The following COL4A4 variants were observed in gnomAD, a reference collection of about 807,000 sequenced individuals.
COL4A4 encodes the protein collagen alpha-4(IV) chain.
In COL4A4, 105 loss-of-function variants were observed where a neutral mutation model predicts 192.9. The ratio of observed to expected loss-of-function variants is 0.54; its 90% CI spans 0.46 to 0.64. COL4A4 has a LOEUF of 0.64. COL4A4 is among the 30% of genes least tolerant of loss of function. The pLI is 0.00. For synonymous variants in COL4A4, 762 were observed against 769.9 expected (o/e 0.99, Z 0.17); for missense variants, 1,967 against 2,169.3 (o/e 0.91, Z 1.85).
the COL4A4 span, among the ~76,000 whole-genome samples, chr2:226,972,938 A>C: frequency 1.2e-4 from 18 of 151,772 alleles, 1 homozygote; most frequent in African/African-American, 3.4e-4. Context: ...GCAAAAAAAA[A>C]AAAAAAACAA....
chr2:227,099,524 T>C, intron 18 of COL4A4, 96 bp downstream of exon 18: 1 of 1,103,290 alleles, frequency 9.1e-7, no homozygotes, highest in Non-Finnish European at 1.4e-6. Context: ...CTGCCTAGTG[T>C]GCAAGCTATG....
At chr2:227,138,602 C>A (rs1280332860) in intron 4 of COL4A4, among the ~76,000 whole-genome samples, 2 of 150,536 alleles carry the variant, frequency 1.3e-5, no homozygotes, top group African/African-American at 4.9e-5. Context: ...CACCGCACTC[C>A]AGCCTGGGTG....
intron 33 of COL4A4, 86 bp from the exon 34 acceptor site, chr2:227,050,217 T>A (rs1973784987): frequency 7.6e-7 from 1 of 1,318,650 alleles, no homozygotes; most frequent in African/African-American, 1.4e-5. Flanking sequence ...TAATTTTCTG[T>A]AACTAATTTG....
At chr2:227,057,766 G>A (rs1975837263) in intron 28 of COL4A4, among the ~76,000 whole-genome samples, 166 bp from the exon 29 acceptor site, 1 of 152,246 alleles carries the variant, frequency 6.6e-6, no homozygotes, top group Admixed American at 6.5e-5. Context: ...GATGTAATGA[G>A]TTCCTTATGA....
intron 4 of COL4A4, among the ~76,000 whole-genome samples, chr2:227,127,638 T>A (rs2062168476): frequency 6.6e-6 from 1 of 152,214 alleles, no homozygotes; most frequent in South Asian, 2.1e-4. Context: ...AATCTTCAAG[T>A]CAGCCTTTTT....
rs1312585749 is a variant in COL4A4, at chr2:227,045,951, GTATATATGTATA to G, written c.3289+1512_3289+1523del. 6.8e-5 allele frequency among the ~76,000 whole-genome samples: 5 copies of G among 74,038 alleles called. 2 individuals carry two copies. Among genetic ancestry groups the G allele is most frequent in the African/African-American group, 1.4e-4 (2 of 13,980 alleles). 48.6% of individuals were successfully genotyped at this position (74,038 alleles called of 152,430 possible). A position where few individuals can be genotyped will look rare whatever the true frequency, so the allele number is the denominator to read the frequency against. On this transcript the variant is annotated intron_variant, in intron 35 of 47. Transcript: ENST00000396625. ...TGTATATATGTATATATGTATATATGTATATATGTATATATTTATATGTGTATATGTATATAT... is the reference window on the plus strand; with the variant it reads ...TGTATATATGTATATATGTATATATGTATTTATATGTGTATATGTATATAT...
At chr2:227,121,766 A>G (rs2061810460) in intron 4 of COL4A4, among the ~76,000 whole-genome samples, 1 of 152,136 alleles carries the variant, frequency 6.6e-6, no homozygotes, top group African/African-American at 2.4e-5. Context: ...GTATGTATGT[A>G]TGTGTGTGCA....
the COL4A4 span, among the ~76,000 whole-genome samples, chr2:226,987,252 T>C: frequency 6.6e-6 from 1 of 152,052 alleles, no homozygotes; most frequent in Non-Finnish European, 1.5e-5. Flanking sequence ...AGATGACAGG[T>C]TGATGGGTGC....
chr2:227,031,413 A>C (rs1392022207), intron 40 of COL4A4, among the ~76,000 whole-genome samples: 1 of 152,192 alleles, frequency 6.6e-6, no homozygotes, highest in Non-Finnish European at 1.5e-5. Flanking sequence ...CTCTAGCCTA[A>C]ACCTACTTGG....
At chr2:227,001,307 A>G (rs189213668), downstream of COL4A4, among the ~76,000 whole-genome samples, 345 of 152,068 alleles carry the variant, frequency 2.3e-3, 2 homozygotes, top group Non-Finnish European at 1.9e-3. Flanking sequence ...GTTAGCCAGG[A>G]TGGTCTTGAT....
intron 45 of COL4A4, among the ~76,000 whole-genome samples, chr2:227,010,986 G>C (rs1478819933): frequency 6.6e-6 from 1 of 152,156 alleles, no homozygotes; most frequent in Non-Finnish European, 1.5e-5. Context: ...CATATTATCA[G>C]TTCCATTCTG....
At chr2:227,159,173 T>G (rs980055080) in intron 1 of COL4A4, among the ~76,000 whole-genome samples, 3 of 152,206 alleles carry the variant, frequency 2.0e-5, no homozygotes, top group African/African-American at 7.2e-5. Flanking sequence ...TGGATGAATC[T>G]GAATATTGCT....
At chr2:226,974,941 C>T in the COL4A4 span, among the ~76,000 whole-genome samples, 2 of 152,192 alleles carry the variant, frequency 1.3e-5, no homozygotes, top group Non-Finnish European at 2.9e-5. Context: ...AGGCTGTGCT[C>T]CTGTGGCACA....
intron 37 of COL4A4, among the ~76,000 whole-genome samples, chr2:227,036,812 G>C (rs572270340): frequency 6.6e-6 from 1 of 152,074 alleles, no homozygotes; most frequent in Non-Finnish European, 1.5e-5. Flanking sequence ...TAAAAAAAGC[G>C]GGGGGAGAAT....
chr2:227,023,837 C>A (rs1486286809), intron 43 of COL4A4, among the ~76,000 whole-genome samples: 1 of 152,012 alleles, frequency 6.6e-6, no homozygotes, highest in Non-Finnish European at 1.5e-5. Flanking sequence ...CATGGTGAAA[C>A]CCTGTCTCTA....
At chr2:227,037,536 G>T (rs1969925899) in intron 37 of COL4A4, among the ~76,000 whole-genome samples, 3 of 152,132 alleles carry the variant, frequency 2.0e-5, no homozygotes, top group Non-Finnish European at 2.9e-5. Context: ...GAATAGTGCT[G>T]CAATAAACAT....
chr2:227,116,215 A>G (rs962136159), intron 7 of COL4A4, among the ~76,000 whole-genome samples: 2 of 152,184 alleles, frequency 1.3e-5, no homozygotes, highest in African/African-American at 4.8e-5. Flanking sequence ...CTGGCATCTC[A>G]TTGTCTGGAT....
chr2:226,984,653 T>C, the COL4A4 span, among the ~76,000 whole-genome samples: 2 of 152,046 alleles, frequency 1.3e-5, no homozygotes, highest in African/African-American at 4.8e-5. Context: ...CGCCCTGGGG[T>C]CGTAGGCTAA....
At chr2:227,027,734 C>G in intron 42 of COL4A4, 168 bp downstream of exon 42, 1 of 472,554 alleles carries the variant, frequency 2.1e-6, no homozygotes, top group East Asian at 3.3e-5. Flanking sequence ...TATTACTTTA[C>G]CAAACATGAG....
Sources: gnomAD v4.1 joint callset for allele counts (sites outside exome capture counted in the v4.1 genomes callset) on GRCh38, gnomAD v4.1.1 for gene constraint, MANE v1.5 for transcripts, NCBI Gene and HGNC (gene_info 2026-07-23, HGNC 2026-07-21) for gene names.